GPAM: variants seen among roughly 807,000 people sequenced by gnomAD.
The protein encoded by GPAM is glycerol-3-phosphate acyltransferase, mitochondrial, also known as glycerol-3-phosphate acyltransferase 1, mitochondrial.
In GPAM, 56 loss-of-function variants were observed where a neutral mutation model predicts 105.0. That is an observed-to-expected ratio of 0.53 (90% CI 0.43 to 0.67). The LOEUF (loss-of-function observed/expected upper bound fraction) is 0.67. Ranked by LOEUF, GPAM falls within the 30% of genes least tolerant of loss-of-function variation. The pLI, the probability that GPAM is intolerant of heterozygous loss-of-function variation, is 0.00. For missense variants in GPAM, 855 were observed against 989.8 expected (o/e 0.86, Z 1.83); for synonymous variants, 368 against 354.4 (o/e 1.04, Z -0.43).
chr10:112,166,845 C>T (rs940624140), intron 11 of GPAM, among the ~76,000 whole-genome samples: 2 of 152,146 alleles, frequency 1.3e-5, no homozygotes, highest in African/African-American at 4.8e-5. Context: ...TGGAAAACTT[C>T]TGTGGTTCTT....
intron 4 of GPAM, 34 bp downstream of exon 4, chr10:112,180,439 G>A: frequency 2.5e-6 from 4 of 1,606,404 alleles, no homozygotes; most frequent in Non-Finnish European, 1.7e-6. Flanking sequence ...ATTTTATGCT[G>A]AGTATTAGGG....
chr10:112,169,111 T>C (rs1847269915), intron 9 of GPAM, among the ~76,000 whole-genome samples, 159 bp from the exon 10 acceptor site: 1 of 152,198 alleles, frequency 6.6e-6, no homozygotes. Context: ...TTTTCCATAT[T>C]ATCGACATGT....
chr10:112,201,145 T>C (rs148413972), intron 1 of GPAM, among the ~76,000 whole-genome samples: 10 of 152,296 alleles, frequency 6.6e-5, no homozygotes, highest in Non-Finnish European at 1.3e-4. Context: ...CCAGAAGATG[T>C]GTCTGCTGAA....
At chr10:112,161,798 T>C in intron 14 of GPAM, 61 bp from the exon 15 acceptor site, 1 of 1,216,082 alleles carries the variant, frequency 8.2e-7, no homozygotes, top group African/African-American at 1.5e-5. Flanking sequence ...CTGAACTTTT[T>C]TGAAATACCT....
At chr10:112,172,384 A>G (rs1270141141) in intron 8 of GPAM, 66 bp from the exon 9 acceptor site, 3 of 1,315,776 alleles carry the variant, frequency 2.3e-6, no homozygotes, top group Non-Finnish European at 2.2e-6. Flanking sequence ...TTGCAACTGC[A>G]TATTTGGCTA....
chr10:112,204,977 T>C (rs1416370368), intron 1 of GPAM, among the ~76,000 whole-genome samples: 2 of 62,916 alleles, frequency 3.2e-5, no homozygotes, highest in African/African-American at 6.7e-5. Flanking sequence ...AGTCTCAGGA[T>C]ACAAAATCAA....
intron 10 of GPAM, 132 bp from the exon 11 acceptor site, chr10:112,168,656 CTAA>C: frequency 1.4e-6 from 1 of 733,062 alleles, no homozygotes; most frequent in Non-Finnish European, 2.4e-6. Context: ...CTTATTCACA[CTAA>C]TAAAACAGCT....
chr10:112,224,942 T>C, the GPAM span, among the ~76,000 whole-genome samples: 853 of 152,216 alleles, frequency 5.6e-3, 7 homozygotes, highest in African/African-American at 0.02. Flanking sequence ...CCAGACCAGT[T>C]AGTATCACAG....
At position 112,168,972 on chromosome 10, in the gene GPAM, GAATT is replaced by G; in HGVS notation, c.795-24_795-21del. On this transcript the variant is annotated intron_variant, in intron 9 of 21. Transcript: ENST00000348367. ...AAGGTACTATAAATTCAGAATACAT[GAATT>G]ATTTACAAAGAAAAATGTAAAAAGA... 7.1e-7 allele frequency: 1 copy of G among 1,400,344 alleles called. No individual in the cohort carries two copies. Among genetic ancestry groups the G allele is most frequent in the Non-Finnish European group, 1.0e-6 (1 of 985,352 alleles). The allele number at this position is 1,400,344 out of a possible 1,614,324, so 86.7% of individuals were successfully genotyped here. A position where few individuals can be genotyped will look rare whatever the true frequency, so the allele number is the denominator to read the frequency against.
chr10:112,170,891 A>C (rs1354166627), intron 9 of GPAM, among the ~76,000 whole-genome samples: 1 of 152,204 alleles, frequency 6.6e-6, no homozygotes, highest in Non-Finnish European at 1.5e-5. Context: ...CAGTTGGGTC[A>C]CAAGAGTCTG....
At chr10:112,189,310 C>T (rs1847629352) in intron 1 of GPAM, among the ~76,000 whole-genome samples, 1 of 152,130 alleles carries the variant, frequency 6.6e-6, no homozygotes, top group Non-Finnish European at 1.5e-5. Context: ...CTTCACGCCA[C>T]CCAACCTATT....
chr10:112,160,059 A>T lies in GPAM; in HGVS notation c.1760-6T>A. 6.2e-7 allele frequency: 1 copy of T among 1,614,006 alleles called. No homozygotes were observed. The highest frequency in any genetic ancestry group is 2.2e-5 in the East Asian group (1 of 44,884). On this transcript the variant is annotated splice_polypyrimidine_tract_variant and splice_region_variant and intron_variant, in intron 16 of 21. Coordinates refer to ENST00000348367, the MANE Select transcript of GPAM (RefSeq NM_001244949.2). ...AACTGCATAAAGGCTGCAAGCTAAGAAAAGAAAAGCAACAATGAAGTTGCC... is the reference window on the plus strand; with the variant it reads ...AACTGCATAAAGGCTGCAAGCTAAGTAAAGAAAAGCAACAATGAAGTTGCC...
intron 1 of GPAM, among the ~76,000 whole-genome samples, chr10:112,193,945 C>G (rs369566385): frequency 6.6e-6 from 1 of 152,280 alleles, no homozygotes; most frequent in Non-Finnish European, 1.5e-5. Context: ...CTCATATGAA[C>G]CCTTAAAGTT....
upstream of GPAM, among the ~76,000 whole-genome samples, chr10:112,217,533 G>T (rs1360848233): frequency 6.6e-6 from 1 of 151,684 alleles, no homozygotes; most frequent in Non-Finnish European, 1.5e-5. Flanking sequence ...CAACCTCATA[G>T]CAGGGAAACA....
Position 112,160,870 on chromosome 10 carries a change from TA to T in GPAM, c.1495-3del. 6.2e-7 allele frequency: 1 copy of T among 1,612,630 alleles called. No homozygotes were observed. Among genetic ancestry groups the T allele is most frequent in the South Asian group, 1.1e-5 (1 of 91,032 alleles). ...GACCAATGTGGAGAGATCAATTCCC[TA>T]AAGAAAGATGGAAACGGTATCATGA... On this transcript the variant is annotated splice_polypyrimidine_tract_variant and splice_region_variant and intron_variant, in intron 15 of 21. Transcript: ENST00000348367.
At chr10:112,197,703 G>A (rs576030435) in intron 1 of GPAM, among the ~76,000 whole-genome samples, 64 of 128,676 alleles carry the variant, frequency 5.0e-4, no homozygotes, top group South Asian at 4.0e-3. Context: ...TGATCTCATT[G>A]TTCAATTCCC....
At chr10:112,208,476 A>G (rs1475744196) in intron 1 of GPAM, among the ~76,000 whole-genome samples, 1 of 152,314 alleles carries the variant, frequency 6.6e-6, no homozygotes, top group East Asian at 1.9e-4. Flanking sequence ...CCAAGAAAAC[A>G]GTAGTTTCTA....
chr10:112,168,169 G>T (rs1219642296), intron 11 of GPAM, 143 bp downstream of exon 11: 1 of 681,928 alleles, frequency 1.5e-6, no homozygotes, highest in Admixed American at 2.1e-5. Context: ...TACTCACCAT[G>T]CCCATCCAAT....
intron 1 of GPAM, among the ~76,000 whole-genome samples, chr10:112,197,909 G>A (rs1847744755): frequency 6.6e-6 from 1 of 152,074 alleles, no homozygotes; most frequent in Admixed American, 6.5e-5. Context: ...TAATTGGGAT[G>A]TACTTCAAGA....
Sources: gnomAD v4.1 joint callset for allele counts (sites outside exome capture counted in the v4.1 genomes callset) on GRCh38, gnomAD v4.1.1 for gene constraint, MANE v1.5 for transcripts, NCBI Gene and HGNC (gene_info 2026-07-23, HGNC 2026-07-21) for gene names.